Variants in CHKB observed in about 807,000 individuals in gnomAD.
CHKB encodes the protein choline/ethanolamine kinase.
A neutral mutation model predicts 57.3 loss-of-function variants in CHKB; 45 were observed. The ratio of observed to expected loss-of-function variants is 0.79; its 90% CI spans 0.62 to 1.01. The LOEUF (loss-of-function observed/expected upper bound fraction) is 1.01, where lower values mean the gene tolerates loss of function less well. Ranked by LOEUF, CHKB falls within the 50% of genes least tolerant of loss-of-function variation. CHKB has a pLI of 0.00. For missense variants in CHKB, 517 were observed against 502.8 expected (o/e 1.03, Z -0.27); for synonymous variants, 224 against 201.8 (o/e 1.11, Z -0.93).
Position 50,579,446 on chromosome 22 carries a change from T to A in CHKB, c.1093A>T (p.Thr365Ser), listed in dbSNP as rs1364905273. 1.2e-6 allele frequency: 2 copies of A among 1,613,430 alleles called. No individual in the cohort carries two copies. The highest frequency in any genetic ancestry group is 2.2e-5 in the South Asian group (2 of 91,020). ...LWSILQASMS[T>S]IEFGYLDYAQ... ...CTTACCAAGTAACCAAATTCTATGG[T>A]GGACATGGATGCCTGGAGGATGGAC... Residue 365 changes from threonine (T) to serine (S), a missense_variant, in exon 10 of 11, where the codon ACC becomes TCC. By Grantham distance (58) the Thr-to-Ser change is moderately conservative (BLOSUM62 1). Coordinates refer to ENST00000406938, the MANE Select transcript of CHKB (RefSeq NM_005198.5).
At chr22:50,580,540 T>C (rs1269073488) in intron 5 of CHKB, 25 bp downstream of exon 5, 1 of 1,613,262 alleles carries the variant, frequency 6.2e-7, no homozygotes. Context: ...ACCATTACCA[T>C]TAGCCTTGTC....
intron 4 of CHKB, 71 bp downstream of exon 4, chr22:50,581,349 C>A (rs2070686233): frequency 3.8e-6 from 6 of 1,590,246 alleles, no homozygotes; most frequent in Non-Finnish European, 5.1e-6. Flanking sequence ...CTGGATAGAG[C>A]CCCCGACACA....
chr22:50,582,485 G>A lies in CHKB; in HGVS notation c.224+73C>T, dbSNP rs768222640. On this transcript the variant is annotated intron_variant, in intron 1 of 10. Coordinates refer to ENST00000406938, the MANE Select transcript of CHKB (RefSeq NM_005198.5). ...CGCAAGAGGGGGGCGAAAACATGGAGCATCCTGAGGGCCCCGCGGCTGACC... is the reference window on the plus strand; with the variant it reads ...CGCAAGAGGGGGGCGAAAACATGGAACATCCTGAGGGCCCCGCGGCTGACC... 13 of 1,501,532 alleles carry A rather than the reference G, an allele frequency of 8.7e-6. No homozygotes were observed. In the Admixed American group the frequency reaches 2.1e-4, roughly 24 times the overall value. 93.0% of individuals were successfully genotyped at this position (1,501,532 alleles called of 1,614,324 possible). A position where few individuals can be genotyped will look rare whatever the true frequency, so the allele number is the denominator to read the frequency against.
Position 50,580,385 on chromosome 22 carries a change from C to G in CHKB, c.709G>C (p.Val237Leu). Residue 237 changes from valine to leucine, a missense_variant, in exon 6 of 11, where the codon GTC (valine) becomes CTC (leucine). Physicochemically the swap from Val to Leu is conservative, Grantham distance 32 (BLOSUM62 1). Coordinates refer to ENST00000406938, the MANE Select transcript of CHKB (RefSeq NM_005198.5). ...KLLESTPSPV[V>L]FCHNDIQEGN... ...TCCTGGATGTCATTGTGGCAGAAGA[C>G]GACTGGCGATGGGGTAGACTCTAGT... is the stretch of plus-strand genomic sequence containing the variant. 6.2e-7 allele frequency: 1 copy of G among 1,613,958 alleles called. No homozygotes were observed. The highest frequency in any genetic ancestry group is 1.1e-5 in the South Asian group (1 of 91,076).
At position 50,579,110 on chromosome 22, in the gene CHKB, G is replaced by A; in HGVS notation, c.*71C>T. ...CTCAGCCCAGTCGCCAGGGCCTTCTGCTCGTTGTTCCTCCCTCCAAGGTCC... is the reference window on the plus strand; with the variant it reads ...CTCAGCCCAGTCGCCAGGGCCTTCTACTCGTTGTTCCTCCCTCCAAGGTCC... On this transcript the variant is annotated 3_prime_UTR_variant, in exon 11 of 11. Transcript: ENST00000406938. The A allele has an allele frequency of 6.9e-7, 1 of 1,455,972 alleles. No individual in the cohort carries two copies. The highest frequency in any genetic ancestry group is 9.5e-7 in the Non-Finnish European group (1 of 1,051,468). The allele number at this position is 1,455,972 out of a possible 1,614,324, so 90.2% of individuals were successfully genotyped here.
chr22:50,579,907 C>G lies in CHKB; in HGVS notation c.927+67G>C. 6 of 1,597,286 alleles carry G rather than the reference C, an allele frequency of 3.8e-6. No homozygotes were observed. The South Asian group carries it at 6.6e-5, about 18-fold the overall frequency. ...CAGGTAACATCCTTTCCGGCCATTC[C>G]TTCCAGACTCCACCTCCCTCCTTCC... On this transcript the variant is annotated intron_variant, in intron 8 of 10. Coordinates refer to ENST00000406938, the MANE Select transcript of CHKB (RefSeq NM_005198.5).
At position 50,581,525 on chromosome 22, in the gene CHKB, C is replaced by T. The variant is rs760539135; in HGVS notation, c.476G>A (p.Arg159Gln). ...PSRPLKTQELREPVLSAAIAT... is the reference protein window; with the variant it reads ...PSRPLKTQELQEPVLSAAIAT... ...AATGGCTGCTGACAACACTGGCTCT[C>T]GAAGCTCTTGAGTTTTCAATGGCCG... The change falls in exon 4 of 11, where the codon CGA (arginine) becomes CAA (glutamine). Residue 159 changes from arginine (R) to glutamine (Q), a missense_variant. Arg to Gln is a conservative substitution (Grantham distance 43). Transcript: ENST00000406938. The T allele has an allele frequency of 5.6e-5, 90 of 1,613,744 alleles. No individual in the cohort carries two copies. The highest frequency in any genetic ancestry group is 4.5e-4 in the South Asian group (41 of 91,088).
chr22:50,579,696 G>A (rs1334277537), intron 9 of CHKB, 31 bp downstream of exon 9: 2 of 1,578,362 alleles, frequency 1.3e-6, no homozygotes, highest in Middle Eastern at 1.7e-4. Flanking sequence ...CCTCTGCTCT[G>A]CCCTACCCCA....
At position 50,582,594 on chromosome 22, in the gene CHKB, C is replaced by A. The variant is rs1197538748; in HGVS notation, c.188G>T (p.Arg63Leu). ...AACCCTCAGCTCCTCGGGCTGCACT[C>A]GGCGCCAGGCCCCGCCCAAGTACTC... ...CREYLGGAWR[R>L]VQPEELRVYP... Residue 63 changes from arginine (R) to leucine (L), a missense_variant, in exon 1 of 11, where the codon CGA becomes CTA. Transcript: ENST00000406938. 2.5e-6 allele frequency: 4 copies of A among 1,610,492 alleles called. No homozygotes were observed. In the South Asian group the frequency reaches 3.3e-5, roughly 13 times the overall value.
In CHKB at chr22:50,579,516, A is replaced by AG; in HGVS notation, c.1032-10dup. The stretch of plus-strand genomic sequence containing the variant: ...GGGATGCCAGAGCATACCTGGGGGG[A>AG]GGGCAGGAAAAGGAGGGGCATTCAA... On this transcript the variant is annotated splice_polypyrimidine_tract_variant and intron_variant, in intron 9 of 10. Coordinates refer to ENST00000406938, the MANE Select transcript of CHKB (RefSeq NM_005198.5). 2 of 1,612,720 alleles carry AG rather than the reference A, an allele frequency of 1.2e-6. No individual in the cohort carries two copies. Among genetic ancestry groups the AG allele is most frequent in the South Asian group, 2.2e-5 (2 of 91,004 alleles).
Position 50,582,804 on chromosome 22 carries a change from A to AGGCTGCGC in CHKB, c.-24_-23insGCGCAGCC. 1 of 1,542,098 alleles carries AGGCTGCGC rather than the reference A, an allele frequency of 6.5e-7. No individual in the cohort carries two copies. Among genetic ancestry groups the AGGCTGCGC allele is most frequent in the Non-Finnish European group, 8.7e-7 (1 of 1,145,560 alleles). On this transcript the variant is annotated 5_prime_UTR_variant, in exon 1 of 11. Transcript: ENST00000406938. ...CATGGCGCGGGCTCGACCGGGCCCC[A>AGGCTGCGC]GGCCAGGCTGCGCTCCGCTCCCTTC...
intron 4 of CHKB, 183 bp from the exon 5 acceptor site, chr22:50,580,843 G>A (rs967524537): frequency 8.1e-6 from 5 of 614,094 alleles, no homozygotes; most frequent in South Asian, 3.5e-5. Flanking sequence ...GCAGTGGCGC[G>A]ATCTTGGCTC....
chr22:50,582,453 G>T (rs998884192), intron 1 of CHKB, 96 bp from the exon 2 acceptor site: 3 of 1,464,490 alleles, frequency 2.0e-6, no homozygotes, highest in Non-Finnish European at 1.8e-6. Context: ...CCCGCCCCAG[G>T]CGCGGGCGCA....
In CHKB at chr22:50,580,347, C is replaced by G. The variant is rs539357838; in HGVS notation, c.736+11G>C. Reference sequence around the variant, plus strand: ...CATCTTGGGTTAGGAGACTCAGATGCCTTCTCCTACCTTCCTGGATGTCAT... The same window carrying G: ...CATCTTGGGTTAGGAGACTCAGATGGCTTCTCCTACCTTCCTGGATGTCAT... On this transcript the variant is annotated intron_variant, in intron 6 of 10. Transcript: ENST00000406938. The G allele has an allele frequency of 6.2e-7, 1 of 1,613,938 alleles. No individual in the cohort carries two copies. Among genetic ancestry groups the G allele is most frequent in the Non-Finnish European group, 8.5e-7 (1 of 1,179,948 alleles).
chr22:50,582,114 G>T (rs994349753), intron 2 of CHKB, 135 bp downstream of exon 2: 3 of 885,154 alleles, frequency 3.4e-6, no homozygotes, highest in Non-Finnish European at 5.5e-6. Context: ...ACAGGCCCAG[G>T]CTTCGGTGTA....
rs767871830 is a variant in CHKB, at chr22:50,579,259, G to A, written c.1114-4C>T. The A allele has an allele frequency of 6.2e-7, 1 of 1,613,504 alleles. No homozygotes were observed. The highest frequency in any genetic ancestry group is 1.1e-5 in the South Asian group (1 of 90,992). Reference sequence around the variant, plus strand: ...GGAACCGAGACTGGGCATAGTCCTAGGGAAGGAAACCCACCCCACACAGTG... The same window carrying A: ...GGAACCGAGACTGGGCATAGTCCTAAGGAAGGAAACCCACCCCACACAGTG... On this transcript the variant is annotated splice_polypyrimidine_tract_variant and splice_region_variant and intron_variant, in intron 10 of 10. Coordinates refer to ENST00000406938, the MANE Select transcript of CHKB (RefSeq NM_005198.5).
At position 50,582,703 on chromosome 22, in the gene CHKB, T is replaced by G. The variant is rs752457146; in HGVS notation, c.79A>C (p.Lys27Gln). The G allele has an allele frequency of 1.2e-6, 2 of 1,609,930 alleles. No individual in the cohort carries two copies. The highest frequency in any genetic ancestry group is 3.3e-5 in the Admixed American group (2 of 59,782). ...CGTTTTGGGGTAGTGTCCGGGCACT[T>G]AGACTGCTGCAAGCCGTCTTTGGCC... Reference protein sequence around the residue: ...CLAKDGLQQSKCPDTTPKRRR... With the variant: ...CLAKDGLQQSQCPDTTPKRRR... Residue 27 changes from lysine (K) to glutamine (Q), a missense_variant, in exon 1 of 11, where the codon AAG becomes CAG. Transcript: ENST00000406938.
rs192728067 is a variant in CHKB at position 50,580,278 on chromosome 22, G to A, written c.737-7C>T. On this transcript the variant is annotated splice_polypyrimidine_tract_variant and splice_region_variant and intron_variant, in intron 6 of 10. Coordinates refer to ENST00000406938, the MANE Select transcript of CHKB (RefSeq NM_005198.5). ...GAGAGCAGCAAGATGTTCCCTGGGG[G>A]AATGGGGTGAGGTTCTGCTCACTCC... The A allele has an allele frequency of 1.6e-4, 253 of 1,613,992 alleles. 1 individual carries two copies. The African/African-American group carries it at 3.0e-3, about 19-fold the overall frequency.
chr22:50,580,533 A>G (rs2070668765), intron 5 of CHKB, 32 bp downstream of exon 5: 4 of 1,612,822 alleles, frequency 2.5e-6, no homozygotes, highest in South Asian at 1.1e-5. Flanking sequence ...GGCGGACACC[A>G]TTACCATTAG....
Sources: gnomAD v4.1 joint callset for allele counts on GRCh38, gnomAD v4.1.1 for gene constraint, MANE v1.5 for transcripts, NCBI Gene and HGNC (gene_info 2026-07-23, HGNC 2026-07-21) for gene names.